GPR158: variants seen among roughly 807,000 people sequenced by gnomAD.
GPR158 encodes metabotropic glycine receptor.
Under a neutral mutation model 78.2 loss-of-function variants are expected in GPR158, and 30 were observed. The ratio of observed to expected loss-of-function variants is 0.38; its 90% CI spans 0.29 to 0.52. GPR158 has a LOEUF of 0.52. Among genes scored for constraint, GPR158 ranks in the 20% least tolerant of loss-of-function variants. The probability of loss-of-function intolerance (pLI) is 0.83; values close to 1 mark genes in which losing one functional copy is unlikely to be tolerated. For missense variants in GPR158, 1,463 were observed against 1,523.5 expected (o/e 0.96, Z 0.66); for synonymous variants, 581 against 591.1 (o/e 0.98, Z 0.25).
In GPR158 at chr10:25,176,398, G is replaced by A. The variant is rs11014433; in HGVS notation, c.902+76G>A. The A allele has an allele frequency of 0.2, 226,482 of 1,144,700 alleles. 24,421 individuals carry two copies. Among genetic ancestry groups the A allele is most frequent in the Middle Eastern group, 0.26 (953 of 3,606 alleles). 70.9% of individuals were successfully genotyped at this position (1,144,700 alleles called of 1,614,324 possible). ...CGGTCTTGTGGGTGGGTGCACGTGT[G>A]AGGAAGGAACCCTTGGCTGTGACGC... is the stretch of plus-strand genomic sequence containing the variant. On this transcript the variant is annotated intron_variant, in intron 1 of 10. Coordinates refer to ENST00000376351, the MANE Select transcript of GPR158 (RefSeq NM_020752.3). This position sits in a 1 kb window ranked among gnomAD's most constrained non-coding sequence, Gnocchi z 6.3.
chr10:25,598,974 G>A lies in GPR158; in HGVS notation c.3348G>A (p.Gln1116=), dbSNP rs1837454347. Residue 1116 remains glutamine, a synonymous_variant, in exon 11 of 11, where the codon CAG becomes CAA. Transcript: ENST00000376351. ...GTGCAGCCAATGTGTGTGCTGGGCA[G>A]AGCGAAGAACTGCCCCCCAAAGCTG... ...QPRAANVCAG[Q]SEELPPKAVA... is the part of the protein sequence containing the mutation. 1 of 1,613,702 alleles carries A rather than the reference G, an allele frequency of 6.2e-7. No individual in the cohort carries two copies. Among genetic ancestry groups the A allele is most frequent in the Non-Finnish European group, 8.5e-7 (1 of 1,179,922 alleles).
chr10:25,183,033 C>T (rs146495964), intron 1 of GPR158, among the ~76,000 whole-genome samples: 69 of 152,300 alleles, frequency 4.5e-4, no homozygotes, highest in African/African-American at 1.5e-3. Context: ...CAATGTCATA[C>T]GCATCAGTGG....
At chr10:25,457,303 C>G (rs1028670774) in intron 4 of GPR158, among the ~76,000 whole-genome samples, 2 of 151,870 alleles carry the variant, frequency 1.3e-5, no homozygotes, top group Non-Finnish European at 2.9e-5. Context: ...CTGTTAATAG[C>G]TTTTAATGAG....
intron 5 of GPR158, among the ~76,000 whole-genome samples, chr10:25,509,217 C>T (rs912972394): frequency 5.3e-5 from 8 of 152,150 alleles, no homozygotes; most frequent in African/African-American, 1.7e-4. Context: ...GGAGCACAAT[C>T]GCTTCTGATT....
intron 5 of GPR158, among the ~76,000 whole-genome samples, chr10:25,507,774 T>A (rs1333336826): frequency 6.6e-6 from 1 of 152,122 alleles, no homozygotes; most frequent in African/African-American, 2.4e-5. Context: ...AAAAGGAAAA[T>A]TCAAAGCTCC....
chr10:25,258,914 G>A (rs935843059), intron 2 of GPR158, among the ~76,000 whole-genome samples: 20 of 152,228 alleles, frequency 1.3e-4, no homozygotes, highest in African/African-American at 4.1e-4. Flanking sequence ...ATTATATACC[G>A]TATGCATATA....
intron 6 of GPR158, among the ~76,000 whole-genome samples, chr10:25,563,329 A>C (rs939174350): frequency 6.6e-6 from 1 of 152,004 alleles, no homozygotes. Flanking sequence ...TTTACAAACT[A>C]TTATTTCATT....
intron 3 of GPR158, among the ~76,000 whole-genome samples, chr10:25,397,840 AAG>A (rs1834383095): frequency 6.6e-6 from 1 of 152,174 alleles, no homozygotes; most frequent in Non-Finnish European, 1.5e-5. Flanking sequence ...TTAGCAACAT[AAG>A]AGAGTGAGGA....
chr10:25,357,796 C>T (rs188436951), intron 2 of GPR158, among the ~76,000 whole-genome samples: 3,349 of 150,124 alleles, frequency 0.022, 132 homozygotes, highest in African/African-American at 0.079. Context: ...CCCACAGTCC[C>T]TACTGGGGCA....
At chr10:25,195,085 T>C (rs1852826190) in intron 1 of GPR158, among the ~76,000 whole-genome samples, 1 of 152,128 alleles carries the variant, frequency 6.6e-6, no homozygotes, top group East Asian at 1.9e-4. Flanking sequence ...TGCTACGTTT[T>C]ATTTGTGCAT....
At chr10:25,357,137 G>A (rs1855565531) in intron 2 of GPR158, among the ~76,000 whole-genome samples, 2 of 152,116 alleles carry the variant, frequency 1.3e-5, no homozygotes, top group Admixed American at 6.5e-5. Flanking sequence ...ACCTGAGAGA[G>A]ATGATTTAGG....
intron 2 of GPR158, among the ~76,000 whole-genome samples, chr10:25,374,582 C>T (rs1304613901): frequency 4.6e-5 from 7 of 151,698 alleles, no homozygotes; most frequent in Non-Finnish European, 8.9e-5. Context: ...TTATGAATCC[C>T]TAACAACCAT....
intron 1 of GPR158, among the ~76,000 whole-genome samples, chr10:25,186,080 A>G (rs1343505952): frequency 3.9e-5 from 6 of 152,234 alleles, no homozygotes; most frequent in Admixed American, 2.6e-4. Context: ...ACTCAAAACC[A>G]CTCAACTACA....
chr10:25,355,255 C>T (rs1442777736), intron 2 of GPR158, among the ~76,000 whole-genome samples: 5 of 151,270 alleles, frequency 3.3e-5, no homozygotes, highest in Non-Finnish European at 5.9e-5. Context: ...TTCAAACAGC[C>T]TGTCTTTGAG....
chr10:25,488,269 T>A (rs549795867), intron 5 of GPR158, among the ~76,000 whole-genome samples: 1 of 152,114 alleles, frequency 6.6e-6, no homozygotes, highest in African/African-American at 2.4e-5. Flanking sequence ...TAACCTCATT[T>A]GTCAGAATTT....
chr10:25,477,474 C>A (rs1000896550), intron 5 of GPR158, among the ~76,000 whole-genome samples: 2 of 152,070 alleles, frequency 1.3e-5, no homozygotes, highest in Admixed American at 6.6e-5. Context: ...TTCCCTCAAC[C>A]CTGCAATCTG....
At chr10:25,507,060 A>G (rs1474393597) in intron 5 of GPR158, among the ~76,000 whole-genome samples, 1 of 152,228 alleles carries the variant, frequency 6.6e-6, no homozygotes, top group Non-Finnish European at 1.5e-5. Flanking sequence ...TCTATCATGC[A>G]TCAGCCAGGG....
chr10:25,345,272 C>T (rs112130644), intron 2 of GPR158, among the ~76,000 whole-genome samples: 5,206 of 152,032 alleles, frequency 0.034, 140 homozygotes, highest in African/African-American at 0.075. Context: ...CTCTCTCTGA[C>T]GGAGGCTCTT....
At chr10:25,503,410 T>G (rs1835967661) in intron 5 of GPR158, among the ~76,000 whole-genome samples, 1 of 152,134 alleles carries the variant, frequency 6.6e-6, no homozygotes, top group Non-Finnish European at 1.5e-5. Context: ...TCCCAACCTT[T>G]GTCATGGATA....
Sources: gnomAD v4.1 joint callset for allele counts (sites outside exome capture counted in the v4.1 genomes callset) on GRCh38, gnomAD v4.1.1 for gene constraint, Gnocchi (gnomAD v3.1) non-coding constraint, MANE v1.5 for transcripts, NCBI Gene and HGNC (gene_info 2026-07-23, HGNC 2026-07-21) for gene names.